The following DCC variants were observed in gnomAD, a reference collection of about 807,000 sequenced individuals.
DCC encodes DCC netrin 1 receptor.
DCC carries 58 observed loss-of-function variants against 172.5 expected under a neutral mutation model. The observed-to-expected ratio is 0.34, with a 90% CI of 0.27 to 0.42. DCC has a LOEUF of 0.42. Among genes scored for constraint, DCC ranks in the 10% least tolerant of loss-of-function variants. The pLI is 1.00. For missense variants in DCC, 1,740 were observed against 1,791.0 expected (o/e 0.97, Z 0.51); for synonymous variants, 709 against 644.5 (o/e 1.10, Z -1.52).
chr18:53,284,415 A>G (rs1015304645), intron 12 of DCC, among the ~76,000 whole-genome samples: 1 of 152,044 alleles, frequency 6.6e-6, no homozygotes, highest in African/African-American at 2.4e-5. Flanking sequence ...GATAGTGAGT[A>G]CGTCTCATGA....
chr18:52,477,410 C>T (rs1054228577), intron 1 of DCC, among the ~76,000 whole-genome samples: 2 of 152,252 alleles, frequency 1.3e-5, no homozygotes, highest in East Asian at 3.9e-4. Flanking sequence ...TTACCATCTT[C>T]CTGACAGAAT....
intron 22 of DCC, among the ~76,000 whole-genome samples, chr18:53,446,501 TC>T (rs976386859): frequency 1.3e-5 from 2 of 152,180 alleles, no homozygotes; most frequent in African/African-American, 4.8e-5. Context: ...CCAGCCTGTC[TC>T]CCAGATCTCC....
At chr18:53,370,420 C>T (rs973237391) in intron 15 of DCC, among the ~76,000 whole-genome samples, 11 of 149,932 alleles carry the variant, frequency 7.3e-5, no homozygotes, top group Non-Finnish European at 8.9e-5. Context: ...TGACATTCTC[C>T]ATTTTCCTAT....
At chr18:53,428,974 CATAT>C (rs1224212755) in intron 21 of DCC, among the ~76,000 whole-genome samples, 1 of 55,812 alleles carries the variant, frequency 1.8e-5, no homozygotes, top group Non-Finnish European at 3.3e-5. Flanking sequence ...TTATATATAA[CATAT>C]ATATATTTTA....
intron 5 of DCC, among the ~76,000 whole-genome samples, chr18:52,961,713 C>T (rs1303713700): frequency 2.0e-5 from 3 of 152,144 alleles, no homozygotes; most frequent in African/African-American, 7.2e-5. Context: ...AACTATACTA[C>T]AAGGCTACAG....
Position 53,319,047 on chromosome 18 carries a change from C to T in DCC, c.2054-3000C>T, listed in dbSNP as rs567583712. Among the ~76,000 whole-genome samples, 16 of 152,210 alleles carry T rather than the reference C, an allele frequency of 1.1e-4. No individual in the cohort carries two copies. The South Asian group carries it at 3.3e-3, about 32-fold the overall frequency. ...AGCAAAGAAGAAATAAAAGCCTTTACAAACAAGCAAATGCTGAGAGATTTT... is the reference window on the plus strand; with the variant it reads ...AGCAAAGAAGAAATAAAAGCCTTTATAAACAAGCAAATGCTGAGAGATTTT... On this transcript the variant is annotated intron_variant, in intron 13 of 28. Transcript: ENST00000442544.
intron 2 of DCC, among the ~76,000 whole-genome samples, chr18:52,775,373 G>A (rs2037411661): frequency 1.3e-5 from 2 of 152,228 alleles, no homozygotes; most frequent in Admixed American, 1.3e-4. Flanking sequence ...CCGGAGGCTT[G>A]TGTTAAGCAG....
chr18:52,579,500 T>C (rs1468319987), intron 1 of DCC, among the ~76,000 whole-genome samples: 1 of 152,208 alleles, frequency 6.6e-6, no homozygotes, highest in Non-Finnish European at 1.5e-5. Flanking sequence ...ATAATAGTGA[T>C]AAATCTTTTA....
rs562644186 is a variant in DCC at position 53,476,025 on chromosome 18, G to T, written c.3736+8015G>T. On this transcript the variant is annotated intron_variant, in intron 25 of 28. Transcript: ENST00000442544. Reference sequence around the variant, plus strand: ...CATTTTGGAGCTTTAAGATTTGACTGCCCTACTGAATTTCAGACTTGCATG... The same window carrying T: ...CATTTTGGAGCTTTAAGATTTGACTTCCCTACTGAATTTCAGACTTGCATG... Among the ~76,000 whole-genome samples, 3 of 152,306 alleles carry T rather than the reference G, an allele frequency of 2.0e-5. No homozygotes were observed. The East Asian group carries it at 5.8e-4, about 29-fold the overall frequency.
At chr18:52,880,040 C>T (rs1943117) in intron 2 of DCC, among the ~76,000 whole-genome samples, 119,234 of 152,056 alleles carry the variant, frequency 0.78, 47,465 homozygotes, top group Admixed American at 0.87. Context: ...AATCCAGTTA[C>T]ATATTTTTAG....
intron 2 of DCC, among the ~76,000 whole-genome samples, chr18:52,813,381 G>A (rs1056786465): frequency 1.3e-5 from 2 of 152,150 alleles, no homozygotes; most frequent in Non-Finnish European, 2.9e-5. Flanking sequence ...TTTAGGGAGG[G>A]GGAACAGTAC....
intron 2 of DCC, among the ~76,000 whole-genome samples, chr18:52,861,564 A>G (rs954842045): frequency 6.6e-6 from 1 of 152,356 alleles, no homozygotes; most frequent in East Asian, 1.9e-4. Context: ...TGCCCACAAG[A>G]GTATAGAGCA....
intron 12 of DCC, among the ~76,000 whole-genome samples, chr18:53,250,070 A>T (rs558276692): frequency 6.6e-6 from 1 of 152,104 alleles, no homozygotes; most frequent in African/African-American, 2.4e-5. Flanking sequence ...ACATTAATAC[A>T]TCTTAAAAAT....
chr18:52,370,537 G>A (rs1282808572), intron 1 of DCC, among the ~76,000 whole-genome samples: 1 of 152,048 alleles, frequency 6.6e-6, no homozygotes, highest in Non-Finnish European at 1.5e-5. Context: ...CACATTGGGG[G>A]GAACAATACA....
intron 1 of DCC, among the ~76,000 whole-genome samples, chr18:52,626,142 C>G (rs1192172062): frequency 6.6e-6 from 1 of 152,192 alleles, no homozygotes; most frequent in Non-Finnish European, 1.5e-5. Flanking sequence ...TTGAAGTTAT[C>G]CAACTACCTA....
intron 27 of DCC, among the ~76,000 whole-genome samples, chr18:53,517,448 T>TAAC (rs1555682025): frequency 7.1e-6 from 1 of 140,716 alleles, no homozygotes; most frequent in Non-Finnish European, 1.5e-5. Context: ...TAAAATATAA[T>TAAC]AATAATAATA....
At chr18:53,220,019 T>C (rs2055907736) in intron 12 of DCC, among the ~76,000 whole-genome samples, 4 of 152,242 alleles carry the variant, frequency 2.6e-5, no homozygotes, top group Admixed American at 2.0e-4. Flanking sequence ...TACCCTGTCA[T>C]TGGGCTGGTG....
In DCC at chr18:53,530,491, C is replaced by T. The variant is rs190313760; in HGVS notation, c.4255-73C>T. 48 of 870,424 alleles carry T rather than the reference C, an allele frequency of 5.5e-5. No individual in the cohort carries two copies. In the East Asian group the frequency reaches 1.1e-3, roughly 20 times the overall value. The allele number at this position is 870,424 out of a possible 1,614,324, so 53.9% of individuals were successfully genotyped here. ...TGGGAATACGTAGCACCCCAACTAG[C>T]TGTGGCCCCGGCCTTCATAAAAGAA... is the stretch of plus-strand genomic sequence containing the variant. On this transcript the variant is annotated intron_variant, in intron 28 of 28. Coordinates refer to ENST00000442544, the MANE Select transcript of DCC (RefSeq NM_005215.4).
At chr18:52,566,961 C>T (rs2033175505) in intron 1 of DCC, among the ~76,000 whole-genome samples, 1 of 152,106 alleles carries the variant, frequency 6.6e-6, no homozygotes, top group Non-Finnish European at 1.5e-5. Context: ...CATGTAATAG[C>T]ATAGCAGCAA....
Sources: allele counts gnomAD v4.1 joint callset (sites outside exome capture counted in the v4.1 genomes callset), GRCh38; gene constraint gnomAD v4.1.1; transcripts MANE v1.5; gene names NCBI Gene and HGNC (gene_info 2026-07-23, HGNC 2026-07-21).